PACS1: variants seen among roughly 807,000 people sequenced by gnomAD.
PACS1 encodes the protein PACS-1.
PACS1 carries 24 observed loss-of-function variants against 115.0 expected under a neutral mutation model. The observed-to-expected ratio is 0.21, with a 90% confidence interval of 0.15 to 0.29. PACS1 has a LOEUF of 0.29. PACS1 is among the 10% of genes least tolerant of loss of function. The pLI, the probability that PACS1 is intolerant of heterozygous loss-of-function variation, is 1.00. For missense variants in PACS1, 838 were observed against 1,251.2 expected (o/e 0.67, Z 4.98); for synonymous variants, 453 against 504.5 (o/e 0.90, Z 1.37).
intron 2 of PACS1, among the ~76,000 whole-genome samples, chr11:66,205,658 ATTTTTTT>A (rs535345581): frequency 7.2e-6 from 1 of 139,006 alleles, no homozygotes; most frequent in Non-Finnish European, 1.6e-5. Context: ...AATACTCTTA[ATTTTTTT>A]TTTTTTTTTT....
intron 1 of PACS1, among the ~76,000 whole-genome samples, chr11:66,184,037 C>G (rs1022338981): frequency 3.3e-5 from 5 of 152,130 alleles, no homozygotes; most frequent in Non-Finnish European, 5.9e-5. Flanking sequence ...TCACGACCAT[C>G]ATTTTGATTT....
At chr11:66,201,103 C>T (rs1364850963) in intron 2 of PACS1, among the ~76,000 whole-genome samples, 1 of 151,964 alleles carries the variant, frequency 6.6e-6, no homozygotes, top group Non-Finnish European at 1.5e-5. Context: ...CCTGTAGTCT[C>T]AGCTACTCAG....
At position 66,124,068 on chromosome 11, in the gene PACS1, G is replaced by A. The variant is rs112965068; in HGVS notation, c.356+53226G>A. 4.6e-5 allele frequency among the ~76,000 whole-genome samples: 7 copies of A among 152,132 alleles called. No individual in the cohort carries two copies. In the East Asian group the frequency reaches 7.7e-4, roughly 17 times the overall value. On this transcript the variant is annotated intron_variant, in intron 1 of 23. Coordinates refer to ENST00000320580, the MANE Select transcript of PACS1 (RefSeq NM_018026.4). ...CATTCTGCGCAGCTTTGGCAATACCGTCTAGTTGTAAAAAAGACGGAACTG... is the reference window on the plus strand; with the variant it reads ...CATTCTGCGCAGCTTTGGCAATACCATCTAGTTGTAAAAAAGACGGAACTG...
intron 2 of PACS1, among the ~76,000 whole-genome samples, chr11:66,207,331 ATGG>A (rs1206143847): frequency 1.3e-5 from 2 of 152,100 alleles, no homozygotes; most frequent in African/African-American, 4.8e-5. Flanking sequence ...GCTGGGCGTG[ATGG>A]CACTCACCTG....
intron 7 of PACS1, chr11:66,217,028 G>A (rs1855229370): frequency 2.0e-6 from 1 of 495,032 alleles, no homozygotes; most frequent in Admixed American, 3.3e-5. Flanking sequence ...AACCCTTCTT[G>A]TAGAATTCAG....
rs1245522507 is a variant in PACS1, at chr11:66,216,275, G to A, written c.805+12G>A. ...ATCCAAGCTTTCTGGTAAGAAGCAT[G>A]CAGCATCTGGAGACCCTACGAAGAG... is the stretch of plus-strand genomic sequence containing the variant. On this transcript the variant is annotated intron_variant, in intron 5 of 23. Coordinates refer to ENST00000320580, the MANE Select transcript of PACS1 (RefSeq NM_018026.4). 1.1e-5 allele frequency: 17 copies of A among 1,613,750 alleles called. No individual in the cohort carries two copies. The highest frequency in any genetic ancestry group is 3.3e-5 in the Admixed American group (2 of 59,980).
At chr11:66,119,267 T>C (rs1316784924) in intron 1 of PACS1, among the ~76,000 whole-genome samples, 1 of 152,214 alleles carries the variant, frequency 6.6e-6, no homozygotes, top group Admixed American at 6.5e-5. Flanking sequence ...AGTAGTAATA[T>C]TTTGTGACAT....
chr11:66,239,610 G>A (rs573681903), intron 21 of PACS1, among the ~76,000 whole-genome samples: 301 of 152,356 alleles, frequency 2.0e-3, no homozygotes, highest in Middle Eastern at 0.01. Context: ...CTGTTTCACA[G>A]TATTGGGTTG....
intron 1 of PACS1, among the ~76,000 whole-genome samples, chr11:66,074,546 T>A (rs1484036307): frequency 6.6e-6 from 1 of 152,190 alleles, no homozygotes; most frequent in Non-Finnish European, 1.5e-5. Flanking sequence ...ATTTCCTCAG[T>A]GGCATAAAAG....
At chr11:66,173,810 T>C (rs532199287) in intron 1 of PACS1, among the ~76,000 whole-genome samples, 22 of 152,276 alleles carry the variant, frequency 1.4e-4, no homozygotes, top group Non-Finnish European at 1.5e-4. Context: ...CCCAGCACTT[T>C]GGGATGCCAA....
intron 1 of PACS1, among the ~76,000 whole-genome samples, chr11:66,085,965 G>T (rs1857558933): frequency 6.6e-6 from 1 of 152,060 alleles, no homozygotes; most frequent in Non-Finnish European, 1.5e-5. Context: ...TATTGTGTTG[G>T]TCACTCAGAT....
intron 1 of PACS1, among the ~76,000 whole-genome samples, chr11:66,119,092 G>GGA (rs1331606335): frequency 4.6e-5 from 7 of 152,176 alleles, no homozygotes; most frequent in Non-Finnish European, 8.8e-5. Context: ...GATGGACAAG[G>GGA]GAGAGGCCCC....
At chr11:66,164,870 CAG>C (rs945436815) in intron 1 of PACS1, among the ~76,000 whole-genome samples, 4 of 152,046 alleles carry the variant, frequency 2.6e-5, no homozygotes, top group Non-Finnish European at 1.5e-5. Flanking sequence ...TCTCTCTTAA[CAG>C]GGAATCCTCA....
chr11:66,176,026 A>G (rs1241495874), intron 1 of PACS1, among the ~76,000 whole-genome samples: 1 of 149,850 alleles, frequency 6.7e-6, no homozygotes, highest in Admixed American at 6.6e-5. Flanking sequence ...TCTACTCCAC[A>G]CACTTTGACC....
At chr11:66,220,907 C>T in intron 9 of PACS1, 116 bp downstream of exon 9, 2 of 1,193,338 alleles carry the variant, frequency 1.7e-6, no homozygotes, top group Non-Finnish European at 2.4e-6. Context: ...TTCATCCTTT[C>T]TGAACCTCTG....
In PACS1 at chr11:66,233,200, G is replaced by T. The variant is rs562166456; in HGVS notation, c.1838+134G>T. ...AATTTGCAGAGGGGCGTATGTTTAG[G>T]GGGGTGGCGGCAGCAGGCTGTAGGG... On this transcript the variant is annotated intron_variant, in intron 15 of 23. Coordinates refer to ENST00000320580, the MANE Select transcript of PACS1 (RefSeq NM_018026.4). The surrounding 1 kb of genome is among the most constrained non-coding windows in gnomAD (Gnocchi z 4.5). 9.4e-5 allele frequency: 61 copies of T among 646,294 alleles called. No homozygotes were observed. The highest frequency in any genetic ancestry group is 2.9e-4 in the African/African-American group (16 of 54,980). 40.0% of individuals were successfully genotyped at this position (646,294 alleles called of 1,614,324 possible). A position where few individuals can be genotyped will look rare whatever the true frequency, so the allele number is the denominator to read the frequency against.
chr11:66,238,331 A>G (rs1329088797), intron 19 of PACS1: 1 of 985,236 alleles, frequency 1.0e-6, no homozygotes, highest in Non-Finnish European at 1.2e-6. Flanking sequence ...AAACAACATC[A>G]GGACATCACA....
chr11:66,213,173 T>G (rs1323864648), intron 4 of PACS1, among the ~76,000 whole-genome samples: 1 of 152,232 alleles, frequency 6.6e-6, no homozygotes, highest in East Asian at 1.9e-4. Context: ...CTTTCTGTAG[T>G]AAGATAGTGC....
At chr11:66,085,490 T>TA (rs1291734380) in intron 1 of PACS1, among the ~76,000 whole-genome samples, 1 of 152,250 alleles carries the variant, frequency 6.6e-6, no homozygotes, top group East Asian at 1.9e-4. Context: ...TAGATATACT[T>TA]AGATAATTAC....
Sources: allele counts gnomAD v4.1 joint callset (sites outside exome capture counted in the v4.1 genomes callset), GRCh38; gene constraint gnomAD v4.1.1; non-coding constraint Gnocchi (gnomAD v3.1); transcripts MANE v1.5; gene names NCBI Gene and HGNC (gene_info 2026-07-23, HGNC 2026-07-21).